The following CCNY variants were observed in gnomAD, a reference collection of about 807,000 sequenced individuals.
CCNY encodes the protein cyclin Y, also known as cyclin-Y.
Under a neutral mutation model 42.8 loss-of-function variants are expected in CCNY, and 19 were observed. That is an observed-to-expected ratio of 0.44 (90% confidence interval 0.31 to 0.65). CCNY has a LOEUF of 0.65. CCNY is among the 30% of genes least tolerant of loss of function. The pLI is 0.07. For synonymous variants in CCNY, 165 were observed against 162.7 expected (o/e 1.01, Z -0.11); for missense variants, 370 against 437.3 (o/e 0.85, Z 1.37).
At chr10:35,265,706 T>G (rs2095724470) in intron 3 of CCNY, among the ~76,000 whole-genome samples, 1 of 152,194 alleles carries the variant, frequency 6.6e-6, no homozygotes, top group Non-Finnish European at 1.5e-5. Context: ...ACGGGTTGCC[T>G]TATATGTGAA....
intron 1 of CCNY, among the ~76,000 whole-genome samples, chr10:35,480,410 G>A (rs1839641340): frequency 6.6e-6 from 1 of 152,106 alleles, no homozygotes; most frequent in Non-Finnish European, 1.5e-5. Context: ...GAGGAGCGGA[G>A]AGGCACGGGC....
At chr10:35,342,665 C>T (rs370941297) in intron 1 of CCNY, among the ~76,000 whole-genome samples, 73 of 152,212 alleles carry the variant, frequency 4.8e-4, no homozygotes, top group African/African-American at 1.3e-3. Context: ...TGTTAATTTT[C>T]GGCCAACAAC....
At position 35,329,269 on chromosome 10, in the gene CCNY, C is replaced by T. The variant is rs942255572; in HGVS notation, c.-9+78643C>T. 9.9e-5 allele frequency among the ~76,000 whole-genome samples: 15 copies of T among 152,226 alleles called. No homozygotes were observed. In the East Asian group the frequency reaches 2.1e-3, roughly 22 times the overall value. On this transcript the variant is annotated intron_variant, in intron 3 of 11. Transcript: ENST00000374706. ...ATTAGCATATAAAAATGTTCATCCCCGGCCGGGTGCAGTGGCTCATGCCTG... is the reference window on the plus strand; with the variant it reads ...ATTAGCATATAAAAATGTTCATCCCTGGCCGGGTGCAGTGGCTCATGCCTG...
At position 35,270,665 on chromosome 10, in the gene CCNY, A is replaced by T. The variant is rs925405722; in HGVS notation, c.-9+20039A>T. The stretch of plus-strand genomic sequence containing the variant: ...GTCGCTTTTTTGTTGCTCTAACTTC[A>T]GTGTGTAGCTGAATCTCTACCCCTT... On this transcript the variant is annotated intron_variant, in intron 3 of 11. Coordinates refer to the CCNY transcript ENST00000374706. 6.6e-5 allele frequency among the ~76,000 whole-genome samples: 10 copies of T among 151,046 alleles called. No individual in the cohort carries two copies. In the East Asian group the frequency reaches 1.2e-3, roughly 18 times the overall value.
chr10:35,313,513 C>T (rs949110448), intron 3 of CCNY, among the ~76,000 whole-genome samples: 6 of 152,112 alleles, frequency 3.9e-5, no homozygotes, highest in Non-Finnish European at 5.9e-5. Flanking sequence ...AACAAAGTCC[C>T]GTGCCTGTGC....
intron 7 of CCNY, among the ~76,000 whole-genome samples, chr10:35,541,522 T>C (rs1400646648): frequency 6.6e-6 from 1 of 152,202 alleles, no homozygotes; most frequent in Non-Finnish European, 1.5e-5. Context: ...TGCAGCCTCC[T>C]GAGTAACTGG....
At position 35,571,914 on chromosome 10, in the gene CCNY, CAATA is replaced by C. The variant is rs1424663224; in HGVS notation, c.*2749_*2752del. The C allele has an allele frequency of 2.0e-5, 3 of 151,550 alleles. No individual in the cohort carries two copies. The highest frequency in any genetic ancestry group is 7.3e-5 in the African/African-American group (3 of 41,218). The allele number at this position is 151,550 out of a possible 1,614,324, so 9.4% of individuals were successfully genotyped here. ...TAAACAACAAATAAAGTCATTGGGACAATAAATATATATCCCGATGAATCTTTTT... is the reference window on the plus strand; with the variant it reads ...TAAACAACAAATAAAGTCATTGGGACAATATATATCCCGATGAATCTTTTT... On this transcript the variant is annotated 3_prime_UTR_variant, in exon 10 of 10. Coordinates refer to ENST00000374704, the MANE Select transcript of CCNY (RefSeq NM_145012.6).
intron 3 of CCNY, among the ~76,000 whole-genome samples, chr10:35,314,329 G>A (rs562630308): frequency 7.9e-5 from 12 of 152,188 alleles, no homozygotes; most frequent in Admixed American, 2.6e-4. Context: ...CTTACATGGT[G>A]GCAGTCAAGA....
At chr10:35,480,402 G>C (rs1839640932) in intron 1 of CCNY, among the ~76,000 whole-genome samples, 1 of 152,132 alleles carries the variant, frequency 6.6e-6, no homozygotes, top group Admixed American at 6.5e-5. Flanking sequence ...CTCTTGAGGA[G>C]GAGCGGAGAG....
chr10:35,509,677 GA>G (rs1178038831), intron 3 of CCNY, among the ~76,000 whole-genome samples: 2 of 152,064 alleles, frequency 1.3e-5, no homozygotes, highest in Non-Finnish European at 2.9e-5. Flanking sequence ...GTGTCTCTGT[GA>G]CCCCTGGTGG....
intron 3 of CCNY, among the ~76,000 whole-genome samples, chr10:35,254,807 G>C (rs1236404997): frequency 6.7e-6 from 1 of 148,560 alleles, no homozygotes; most frequent in Non-Finnish European, 1.5e-5. Context: ...CTCCAGTCTG[G>C]GGGAAAGAGT....
At chr10:35,459,847 A>G (rs1463294381) in intron 1 of CCNY, among the ~76,000 whole-genome samples, 1 of 152,148 alleles carries the variant, frequency 6.6e-6, no homozygotes, top group East Asian at 1.9e-4. Flanking sequence ...TGTGTTGGGT[A>G]CTTGGGGGGA....
intron 3 of CCNY, among the ~76,000 whole-genome samples, chr10:35,325,520 C>G (rs144970725): frequency 4.2e-5 from 6 of 143,926 alleles, no homozygotes; most frequent in African/African-American, 7.8e-5. Context: ...GCTCTTGTTG[C>G]TCAGGCTGGA....
rs142676302 is a variant in CCNY at position 35,420,999 on chromosome 10, C to T, written c.155-62405C>T. On this transcript the variant is annotated intron_variant, in intron 1 of 9. Transcript: ENST00000374704. ...GCCAAGTGTAAATTTGCGTACTTAA[C>T]ATTTATTTGTTAGTCACACAGCCAG... is the stretch of plus-strand genomic sequence containing the variant. Among the ~76,000 whole-genome samples, 11 of 152,298 alleles carry T rather than the reference C, an allele frequency of 7.2e-5. No homozygotes were observed. The East Asian group carries it at 1.4e-3, about 19-fold the overall frequency.
chr10:35,560,115 T>C lies in CCNY; in HGVS notation c.747-5908T>C, dbSNP rs554127699. On this transcript the variant is annotated intron_variant, in intron 8 of 9. Transcript: ENST00000374704. ...AGGAATTTTGCCTTAGGATGAATCA[T>C]ACCTCAATCTTCACCCATACCTGAT... is the stretch of plus-strand genomic sequence containing the variant. 2.0e-4 allele frequency among the ~76,000 whole-genome samples: 31 copies of C among 152,278 alleles called. No individual in the cohort carries two copies. The South Asian group carries it at 5.8e-3, about 29-fold the overall frequency.
At chr10:35,335,328 AAAAGC>A (rs113932210), upstream of CCNY, among the ~76,000 whole-genome samples, 3 of 152,252 alleles carry the variant, frequency 2.0e-5, no homozygotes, top group Admixed American at 6.5e-5. Context: ...ATGGCATTCT[AAAAGC>A]AAAGCAAAGC....
chr10:35,408,189 G>T (rs1241753074), intron 1 of CCNY, among the ~76,000 whole-genome samples: 5 of 152,192 alleles, frequency 3.3e-5, no homozygotes, highest in Admixed American at 3.3e-4. Flanking sequence ...GGGCTGGTTA[G>T]TCTGAGGACC....
chr10:35,354,741 C>T (rs945883115), intron 1 of CCNY, among the ~76,000 whole-genome samples: 9 of 152,140 alleles, frequency 5.9e-5, no homozygotes, highest in African/African-American at 1.9e-4. Context: ...ACTATGGGAT[C>T]TGAGGATTTT....
At chr10:35,503,105 G>T (rs1564437097) in intron 3 of CCNY, among the ~76,000 whole-genome samples, 1 of 151,840 alleles carries the variant, frequency 6.6e-6, no homozygotes, top group African/African-American at 2.4e-5. Flanking sequence ...CCCCCAACAG[G>T]CACACACCTA....
Sources: allele counts gnomAD v4.1 joint callset (sites outside exome capture counted in the v4.1 genomes callset), GRCh38; gene constraint gnomAD v4.1.1; transcripts MANE v1.5; gene names NCBI Gene and HGNC (gene_info 2026-07-23, HGNC 2026-07-21).